Variants in SAMMSON observed in about 807,000 individuals in gnomAD.
SAMMSON encodes the protein long intergenic non-protein coding RNA 1212.
At chr3:70,412,919 A>C (rs1041550019) in intron 2 of SAMMSON, among the ~76,000 whole-genome samples, 2 of 152,178 alleles carry the variant, frequency 1.3e-5, no homozygotes, top group Non-Finnish European at 2.9e-5. Context: ...TTTCAAGTCA[A>C]AAATGATGCC....
chr3:70,389,445 A>G (rs1559578945), intron 9 of SAMMSON: 1 of 152,136 alleles, frequency 6.6e-6, no homozygotes, highest in Non-Finnish European at 1.5e-5. Flanking sequence ...AATGGGACAT[A>G]GTTCTCTTGA....
rs188039351 is a variant in SAMMSON, at chr3:70,012,036, C to T, written n.23-321C>T. Among the ~76,000 whole-genome samples, 18 of 152,212 alleles carry T rather than the reference C, an allele frequency of 1.2e-4. 1 individual carries two copies. Among genetic ancestry groups the T allele is most frequent in the African/African-American group, 4.1e-4 (17 of 41,524 alleles). ...AAAGGGATGGTGTGAATGGTCTCAA[C>T]CCCTTTCTCTAGCTCCCTCCTGGAC... On this transcript the variant is annotated intron_variant and non_coding_transcript_variant, in intron 1 of 9. Coordinates refer to ENST00000642114, the Ensembl canonical transcript of SAMMSON.
At chr3:70,195,756 T>C (rs1462121884) in intron 4 of SAMMSON, among the ~76,000 whole-genome samples, 2 of 152,188 alleles carry the variant, frequency 1.3e-5, no homozygotes, top group African/African-American at 2.4e-5. Context: ...TAATGAGCAA[T>C]GTATTTGCCC....
At chr3:70,306,099 GTTTATTTA>G (rs771838641) in intron 7 of SAMMSON, among the ~76,000 whole-genome samples, 1 of 152,104 alleles carries the variant, frequency 6.6e-6, no homozygotes, top group Non-Finnish European at 1.5e-5. Flanking sequence ...AAATAATGGA[GTTTATTTA>G]TTTATTTATT....
chr3:70,337,061 ATAATAATATCTAACTTAATATTCTTAT>A (rs1702668326), intron 7 of SAMMSON, among the ~76,000 whole-genome samples: 2 of 81,406 alleles, frequency 2.5e-5, no homozygotes, highest in Non-Finnish European at 6.6e-5. Context: ...ATTATTATTA[ATAATAATATCTAACTTAATATTCTTAT>A]TAATAATAAT....
intron 6 of SAMMSON, chr3:70,283,969 G>C (rs1256939642): frequency 1.3e-5 from 2 of 151,982 alleles, no homozygotes; most frequent in Non-Finnish European, 2.9e-5. Flanking sequence ...CTGATCTCTA[G>C]TTTTCCCACC....
chr3:70,362,883 T>C (rs1418299070), intron 9 of SAMMSON, among the ~76,000 whole-genome samples: 1 of 150,280 alleles, frequency 6.7e-6, no homozygotes, highest in Admixed American at 6.7e-5. Context: ...TCTCAGAGTA[T>C]AGAAAACATG....
At chr3:70,141,059 T>G (rs1293417681) in intron 4 of SAMMSON, among the ~76,000 whole-genome samples, 4 of 152,172 alleles carry the variant, frequency 2.6e-5, no homozygotes, top group Non-Finnish European at 4.4e-5. Flanking sequence ...GCATGAACCT[T>G]GAAACTCTTC....
At chr3:70,378,978 CTTTTATTTATTTATTTA>C (rs1703043098) in intron 9 of SAMMSON, among the ~76,000 whole-genome samples, 1 of 142,988 alleles carries the variant, frequency 7.0e-6, no homozygotes, top group Non-Finnish European at 1.5e-5. Flanking sequence ...TATACTTACA[CTTTTATTTATTTATTTA>C]TTTATTTATT....
intron 4 of SAMMSON, among the ~76,000 whole-genome samples, chr3:70,083,103 T>C (rs745370294): frequency 6.6e-6 from 1 of 152,168 alleles, no homozygotes; most frequent in Non-Finnish European, 1.5e-5. Context: ...CCAAGGACTT[T>C]TGTTGATCCG....
At chr3:70,326,974 T>C (rs1702584738) in intron 7 of SAMMSON, among the ~76,000 whole-genome samples, 1 of 152,188 alleles carries the variant, frequency 6.6e-6, no homozygotes, top group Non-Finnish European at 1.5e-5. Context: ...TTCTGCTGCC[T>C]AAGCCTCCTG....
At chr3:70,315,108 A>C (rs1474469579) in intron 7 of SAMMSON, among the ~76,000 whole-genome samples, 1 of 152,146 alleles carries the variant, frequency 6.6e-6, no homozygotes, top group African/African-American at 2.4e-5. Flanking sequence ...ATTAGAATAG[A>C]ATCTCTGTAC....
chr3:70,041,254 C>T (rs1367294190), intron 3 of SAMMSON, among the ~76,000 whole-genome samples: 1 of 152,040 alleles, frequency 6.6e-6, no homozygotes, highest in African/African-American at 2.4e-5. Context: ...TCGTATTATC[C>T]ACAGGTTTGG....
chr3:70,178,985 A>G lies in SAMMSON; in HGVS notation n.508-70122A>G, dbSNP rs141166933. Among the ~76,000 whole-genome samples, 939 of 152,268 alleles carry G rather than the reference A, an allele frequency of 6.2e-3. 5 individuals are homozygous for G. Among genetic ancestry groups the G allele is most frequent in the African/African-American group, 0.02 (833 of 41,544 alleles). ...CACTGCACTCCAGCCTGGGTGGCAA[A>G]GCAAGGCCCTGTCTCAAAATAATAG... On this transcript the variant is annotated intron_variant and non_coding_transcript_variant, in intron 4 of 9. Coordinates refer to ENST00000642114, the Ensembl canonical transcript of SAMMSON.
At chr3:70,408,566 T>A (rs1701194357) in intron 2 of SAMMSON, among the ~76,000 whole-genome samples, 1 of 152,258 alleles carries the variant, frequency 6.6e-6, no homozygotes, top group East Asian at 1.9e-4. Context: ...AAGAGTCACC[T>A]TTTCTCCAGT....
At chr3:70,305,997 A>T (rs1003812196) in intron 7 of SAMMSON, among the ~76,000 whole-genome samples, 3 of 152,182 alleles carry the variant, frequency 2.0e-5, no homozygotes, top group African/African-American at 7.2e-5. Context: ...AACCATGATA[A>T]CCAGTGTATT....
intron 4 of SAMMSON, among the ~76,000 whole-genome samples, chr3:70,098,017 C>T (rs1365698610): frequency 1.3e-5 from 2 of 152,132 alleles, no homozygotes; most frequent in African/African-American, 4.8e-5. Context: ...GCTTTTTCTC[C>T]CCTCCTTGGG....
chr3:70,246,257 A>G (rs1701707670), intron 4 of SAMMSON, among the ~76,000 whole-genome samples: 2 of 152,046 alleles, frequency 1.3e-5, no homozygotes, highest in Admixed American at 6.6e-5. Flanking sequence ...TGTTTTGTTC[A>G]CCAGGAGGAA....
intron 2 of SAMMSON, among the ~76,000 whole-genome samples, chr3:70,419,519 C>CTAA (rs1348247530): frequency 6.6e-6 from 1 of 152,120 alleles, no homozygotes; most frequent in Non-Finnish European, 1.5e-5. Context: ...TCTATATCTG[C>CTAA]TAATACAACA....
Sources: gnomAD v4.1 joint callset for allele counts (sites outside exome capture counted in the v4.1 genomes callset) on GRCh38, gnomAD v4.1.1 for gene constraint, MANE v1.5 for transcripts, NCBI Gene and HGNC (gene_info 2026-07-23, HGNC 2026-07-21) for gene names.